ARFGEF2: variants seen among roughly 807,000 people sequenced by gnomAD.
The protein encoded by ARFGEF2 is ARF guanine nucleotide exchange factor 2.
Under a neutral mutation model 219.9 loss-of-function variants are expected in ARFGEF2, and 74 were observed. The observed-to-expected ratio is 0.34, with a 90% CI of 0.28 to 0.41. The LOEUF (loss-of-function observed/expected upper bound fraction) is 0.41, where lower values mean the gene tolerates loss of function less well. Among genes scored for constraint, ARFGEF2 ranks in the 10% least tolerant of loss-of-function variants. The pLI, the probability that ARFGEF2 is intolerant of heterozygous loss-of-function variation, is 1.00. For missense variants in ARFGEF2, 1,743 were observed against 2,218.3 expected, an observed-to-expected ratio of 0.79 and a Z score of 4.30; for synonymous variants, 733 against 799.2, an observed-to-expected ratio of 0.92 and a Z score of 1.40.
chr20:49,025,451 T>G lies in ARFGEF2; in HGVS notation c.4894T>G (p.Tyr1632Asp). The change falls in exon 36 of 39, where the codon TAC (tyrosine) becomes GAC (aspartate). Residue 1632 changes from tyrosine (Y) to aspartate (D), a missense_variant. Coordinates refer to ENST00000371917, the MANE Select transcript of ARFGEF2 (RefSeq NM_006420.3). ...ATTCTCAAAGGCCTTCAACTCCAAT[T>G]ACGAGCAGCGGACTGTCCTGTGGCG... ...HSFSKAFNSNYEQRTVLWRAG... is the reference protein window; with the variant it reads ...HSFSKAFNSNDEQRTVLWRAG... The G allele has an allele frequency of 6.2e-7, 1 of 1,614,028 alleles. No individual in the cohort carries two copies. The highest frequency in any genetic ancestry group is 8.5e-7 in the Non-Finnish European group (1 of 1,179,986).
intron 37 of ARFGEF2, 68 bp from the exon 38 acceptor site, chr20:49,031,981 T>C (rs1373443471): frequency 2.8e-6 from 3 of 1,060,742 alleles, no homozygotes; most frequent in Non-Finnish European, 3.0e-6. Flanking sequence ...CAAGAATGAA[T>C]AGTTCTCCCC....
At chr20:48,966,735 A>C (rs1310893985) in intron 8 of ARFGEF2, among the ~76,000 whole-genome samples, 1 of 152,208 alleles carries the variant, frequency 6.6e-6, no homozygotes, top group Non-Finnish European at 1.5e-5. Context: ...AAAACTTTGT[A>C]GACATTTTTT....
At chr20:48,936,187 A>G (rs2090953810) in intron 1 of ARFGEF2, among the ~76,000 whole-genome samples, 1 of 111,184 alleles carries the variant, frequency 9.0e-6, no homozygotes, top group African/African-American at 3.8e-5. Context: ...CTCACTTCCC[A>G]GTAGGGGCGG....
At position 49,013,866 on chromosome 20, in the gene ARFGEF2, A is replaced by G. The variant is rs1482968668; in HGVS notation, c.4085A>G (p.Tyr1362Cys). 2.5e-6 allele frequency: 4 copies of G among 1,613,994 alleles called. No homozygotes were observed. The Admixed American group carries it at 5.0e-5, about 20-fold the overall frequency. Residue 1362 changes from tyrosine to cysteine, a missense_variant, in exon 30 of 39, where the codon TAT becomes TGT. Physicochemically the swap from Tyr to Cys is radical, Grantham distance 194. Coordinates refer to ENST00000371917, the MANE Select transcript of ARFGEF2 (RefSeq NM_006420.3). ...GTCATGTTTGAGATCATGAAGAGCT[A>G]TGGCCACACCTTTGAAAAGCACTGG... Reference protein sequence around the residue: ...LTVMFEIMKSYGHTFEKHWWQ... With the variant: ...LTVMFEIMKSCGHTFEKHWWQ...
At chr20:48,958,440 C>CTTT (rs557036219) in intron 6 of ARFGEF2, among the ~76,000 whole-genome samples, 2 of 144,072 alleles carry the variant, frequency 1.4e-5, no homozygotes, top group Admixed American at 1.4e-4. Flanking sequence ...CTCTGATGTT[C>CTTT]TTTTTTTTTT....
chr20:48,941,708 G>C (rs1279668137), intron 2 of ARFGEF2, among the ~76,000 whole-genome samples, 156 bp from the exon 3 acceptor site: 1 of 152,228 alleles, frequency 6.6e-6, no homozygotes, highest in African/African-American at 2.4e-5. Context: ...CACTTCAGTG[G>C]TGTTTTTGCT....
In ARFGEF2 at chr20:48,950,630, C is replaced by G. The variant is rs2904170; in HGVS notation, c.277-693C>G. 7.5e-3 allele frequency among the ~76,000 whole-genome samples: 1,132 copies of G among 150,620 alleles called. 15 individuals are homozygous for G. The highest frequency in any genetic ancestry group is 0.025 in the African/African-American group (1,037 of 41,078). ...GCAATATAGCAAGACCCCATCTCTA[C>G]AAAGAATAAAGAAAAATTAGACTAG... On this transcript the variant is annotated intron_variant, in intron 3 of 38. Coordinates refer to ENST00000371917, the MANE Select transcript of ARFGEF2 (RefSeq NM_006420.3).
At chr20:48,942,046 TACACAGA>T (rs1223769590) in intron 3 of ARFGEF2, 59 bp downstream of exon 3, 1 of 1,607,896 alleles carries the variant, frequency 6.2e-7, no homozygotes, top group African/African-American at 1.3e-5. Flanking sequence ...AGTTGGTCCT[TACACAGA>T]ACTATGCTGG....
rs768867078 is a variant in ARFGEF2, at chr20:48,976,082, G to A, written c.1841G>A (p.Ser614Asn). 5 of 1,613,266 alleles carry A rather than the reference G, an allele frequency of 3.1e-6. No individual in the cohort carries two copies. In the Admixed American group the frequency reaches 6.7e-5, roughly 22 times the overall value. Residue 614 changes from serine (S) to asparagine (N), a missense_variant, in exon 14 of 39, where the codon AGT becomes AAT. This residue lies in a region of ARFGEF2 where 666 missense variants were observed against 955.4 expected (regional missense o/e 0.70). Transcript: ENST00000371917. ...GGCCTTGACATGGCAAGACGGTGTA[G>A]TGTGACGTCCATGGAGTCCACAGTG... Reference protein sequence around the residue: ...GKGLDMARRCSVTSMESTVSS... With the variant: ...GKGLDMARRCNVTSMESTVSS...
intron 1 of ARFGEF2, among the ~76,000 whole-genome samples, chr20:48,934,151 G>A (rs549042105): frequency 3.8e-4 from 57 of 150,346 alleles, no homozygotes; most frequent in African/African-American, 1.4e-3. Flanking sequence ...AAAAGATTCA[G>A]GGAAGTTTAA....
At position 48,952,627 on chromosome 20, in the gene ARFGEF2, T is replaced by A. The variant is rs1171426561; in HGVS notation, c.424-78T>A. 9 of 1,417,424 alleles carry A rather than the reference T, an allele frequency of 6.3e-6. No individual in the cohort carries two copies. In the East Asian group the frequency reaches 2.1e-4, roughly 32 times the overall value. 87.8% of individuals were successfully genotyped at this position (1,417,424 alleles called of 1,614,324 possible). A position where few individuals can be genotyped will look rare whatever the true frequency, so the allele number is the denominator to read the frequency against. Reference sequence around the variant, plus strand: ...AGAAAAGAAAAACAAAACCAGACCCTCTAGAAAAGTGTGGCCATAGGAGGG... The same window carrying A: ...AGAAAAGAAAAACAAAACCAGACCCACTAGAAAAGTGTGGCCATAGGAGGG... On this transcript the variant is annotated intron_variant, in intron 4 of 38. Transcript: ENST00000371917.
chr20:48,966,067 T>A, intron 8 of ARFGEF2, 44 bp downstream of exon 8: 1 of 1,612,300 alleles, frequency 6.2e-7, no homozygotes, highest in South Asian at 1.1e-5. Context: ...CCATTTTTAC[T>A]TTTTCAAAAG....
intron 22 of ARFGEF2, among the ~76,000 whole-genome samples, chr20:48,995,077 CAG>C (rs1272972119): frequency 6.6e-6 from 1 of 152,140 alleles, no homozygotes; most frequent in African/African-American, 2.4e-5. Flanking sequence ...ATAGGGCAAA[CAG>C]ATGTGCCAAG....
In ARFGEF2 at chr20:48,991,698, G is replaced by A. The variant is rs1273495111; in HGVS notation, c.2973+500G>A. Among the ~76,000 whole-genome samples the A allele has an allele frequency of 3.9e-5, 6 of 152,128 alleles. No individual in the cohort carries two copies. In the South Asian group the frequency reaches 8.3e-4, roughly 21 times the overall value. On this transcript the variant is annotated intron_variant, in intron 21 of 38. Coordinates refer to ENST00000371917, the MANE Select transcript of ARFGEF2 (RefSeq NM_006420.3). Reference sequence around the variant, plus strand: ...CAATGTATTTAAAAGGATATTTGTTGCAGTTTTAGTTGTTCTAGGGAAAAG... The same window carrying A: ...CAATGTATTTAAAAGGATATTTGTTACAGTTTTAGTTGTTCTAGGGAAAAG...
intron 30 of ARFGEF2, among the ~76,000 whole-genome samples, chr20:49,014,537 G>A (rs773066100): frequency 2.0e-5 from 3 of 151,996 alleles, no homozygotes; most frequent in African/African-American, 4.8e-5. Flanking sequence ...GCTTAATATG[G>A]AATATTAGGC....
At chr20:49,029,781 T>C (rs2091622990) in intron 37 of ARFGEF2, among the ~76,000 whole-genome samples, 1 of 151,784 alleles carries the variant, frequency 6.6e-6, no homozygotes, top group Non-Finnish European at 1.5e-5. Context: ...TTAGTGGAGA[T>C]GGGGTTTCAC....
intron 3 of ARFGEF2, among the ~76,000 whole-genome samples, chr20:48,947,549 C>T (rs370300446): frequency 5.9e-5 from 9 of 151,988 alleles, no homozygotes; most frequent in Admixed American, 1.3e-4. Context: ...TCTTTATTTA[C>T]ACATGTTCCT....
chr20:49,014,328 G>C (rs2091517949), intron 30 of ARFGEF2, among the ~76,000 whole-genome samples: 1 of 151,910 alleles, frequency 6.6e-6, no homozygotes, highest in Non-Finnish European at 1.5e-5. Flanking sequence ...TAATGAAGTT[G>C]CATTTGGAGA....
chr20:48,998,084 T>C (rs1481501856), intron 23 of ARFGEF2, 109 bp from the exon 24 acceptor site: 2 of 991,896 alleles, frequency 2.0e-6, no homozygotes, highest in African/African-American at 3.2e-5. Context: ...GGTTTTGAAC[T>C]CCTGACCTCA....
Sources: gnomAD v4.1 joint callset for allele counts (sites outside exome capture counted in the v4.1 genomes callset) on GRCh38, gnomAD v4.1.1 for gene constraint, gnomAD v4.1.1 regional missense constraint, MANE v1.5 for transcripts, NCBI Gene and HGNC (gene_info 2026-07-23, HGNC 2026-07-21) for gene names.